Variants in DCDC2C observed in about 807,000 individuals in gnomAD.
DCDC2C encodes the protein doublecortin domain-containing protein 2C.
In DCDC2C, 44 loss-of-function variants were observed where a neutral mutation model predicts 45.0. The observed-to-expected ratio is 0.98, with a 90% CI of 0.77 to 1.26. The LOEUF (loss-of-function observed/expected upper bound fraction) is 1.26. Ranked by LOEUF, DCDC2C falls within the 50% of genes most tolerant of loss-of-function variation. DCDC2C has a pLI of 0.00. For missense variants in DCDC2C, 447 were observed against 468.9 expected (o/e 0.95, Z 0.43); for synonymous variants, 187 against 178.8 (o/e 1.05, Z -0.37).
At chr2:3,817,126 C>T (rs57559688) in intron 10 of DCDC2C, among the ~76,000 whole-genome samples, 16,559 of 152,126 alleles carry the variant, frequency 0.11, 1,092 homozygotes, top group East Asian at 0.29. Flanking sequence ...GAAAAACTGC[C>T]GTGAGGGATA....
At chr2:3,706,554 G>A (rs113486534) in intron 1 of DCDC2C, among the ~76,000 whole-genome samples, 3,623 of 47,530 alleles carry the variant, frequency 0.076, 151 homozygotes, top group African/African-American at 0.25. Context: ...ATGTGTGTGC[G>A]TGTGTGTGTG....
chr2:3,785,099 A>G lies in DCDC2C; in HGVS notation c.1064A>G (p.Lys355Arg). The G allele has an allele frequency of 3.2e-6, 4 of 1,231,756 alleles. No homozygotes were observed. The highest frequency in any genetic ancestry group is 3.2e-5 in the East Asian group (1 of 31,702). The allele number at this position is 1,231,756 out of a possible 1,614,324, so 76.3% of individuals were successfully genotyped here. Residue 355 changes from lysine (K) to arginine (R), a missense_variant and splice_region_variant, in exon 10 of 11, where the codon AAG becomes AGG. Transcript: ENST00000399143. ...DARLCEDVERKMAREWKPVD is the reference protein window; with the variant it reads ...DARLCEDVERRMAREWKPVD ...AGGCTTTGTGAAGACGTTGAAAGAA[A>G]GGTTTGTATCAACAACAAATGCTGT...
intron 6 of DCDC2C, among the ~76,000 whole-genome samples, chr2:3,764,863 A>G (rs1669973873): frequency 6.6e-6 from 1 of 152,220 alleles, no homozygotes; most frequent in African/African-American, 2.4e-5. Flanking sequence ...GGAAAATGCT[A>G]TAAAGCACAT....
At chr2:3,758,089 T>C (rs1210721570) in intron 6 of DCDC2C, among the ~76,000 whole-genome samples, 5 of 152,194 alleles carry the variant, frequency 3.3e-5, no homozygotes, top group Admixed American at 2.0e-4. Flanking sequence ...TTGTATGGAC[T>C]GAAAAGGGAG....
intron 2 of DCDC2C, among the ~76,000 whole-genome samples, chr2:3,723,269 A>G (rs1668545311): frequency 6.6e-6 from 1 of 152,228 alleles, no homozygotes; most frequent in South Asian, 2.1e-4. Flanking sequence ...ACAAAGGACG[A>G]TGGAAGCAAA....
Position 3,703,576 on chromosome 2 carries a change from GCCCCGTCCCGT to G in DCDC2C, c.-167_-157del, listed in dbSNP as rs138324138. 2.0e-3 allele frequency: 1,178 copies of G among 598,316 alleles called. 11 individuals carry two copies. The African/African-American group carries it at 0.022, about 11-fold the overall frequency. The allele number at this position is 598,316 out of a possible 1,614,324, so 37.1% of individuals were successfully genotyped here. ...ACACGCAGCCTCCGCCCGCCTGGCA[GCCCCGTCCCGT>G]CCCCGTCCAGCCCCCGTCCCGTCCC... On this transcript the variant is annotated 5_prime_UTR_variant, in exon 1 of 11. Transcript: ENST00000399143. This position sits in a 1 kb window ranked among gnomAD's most constrained non-coding sequence, Gnocchi z 4.4.
intron 10 of DCDC2C, among the ~76,000 whole-genome samples, chr2:3,800,507 A>G (rs1251096515): frequency 1.3e-5 from 2 of 152,190 alleles, no homozygotes; most frequent in Non-Finnish European, 2.9e-5. Flanking sequence ...CCAGCCCCCC[A>G]AGAATTAGCA....
intron 9 of DCDC2C, among the ~76,000 whole-genome samples, chr2:3,781,654 G>C (rs1323907179): frequency 1.3e-5 from 2 of 152,180 alleles, no homozygotes; most frequent in African/African-American, 4.8e-5. Context: ...GAAGCCAGGA[G>C]TTTGAGAACA....
intron 8 of DCDC2C, among the ~76,000 whole-genome samples, chr2:3,777,461 C>T (rs1169037729): frequency 1.3e-5 from 2 of 152,110 alleles, no homozygotes; most frequent in Non-Finnish European, 2.9e-5. Context: ...TGGGTGTCCT[C>T]TATATACTTG....
chr2:3,822,595 CT>C (rs1671720324), intron 10 of DCDC2C, among the ~76,000 whole-genome samples: 2 of 151,018 alleles, frequency 1.3e-5, no homozygotes, highest in African/African-American at 2.4e-5. Flanking sequence ...TGAATTTTCT[CT>C]AGTTTTAAAA....
Position 3,726,991 on chromosome 2 carries a change from T to A in DCDC2C, c.340-12T>A. On this transcript the variant is annotated splice_polypyrimidine_tract_variant and intron_variant, in intron 2 of 10. Coordinates refer to ENST00000399143, the MANE Select transcript of DCDC2C (RefSeq NM_001287444.2). ...TGAACTGAATTCCCAGGTGTGTTTTTTCCTTTTTCAGATCAAACCAGTGGT... is the reference window on the plus strand; with the variant it reads ...TGAACTGAATTCCCAGGTGTGTTTTATCCTTTTTCAGATCAAACCAGTGGT... 6.5e-7 allele frequency: 1 copy of A among 1,550,278 alleles called. No individual in the cohort carries two copies.
At chr2:3,799,949 G>A (rs557478547) in intron 10 of DCDC2C, among the ~76,000 whole-genome samples, 207 of 152,312 alleles carry the variant, frequency 1.4e-3, no homozygotes, top group African/African-American at 4.7e-3. Context: ...GGGCAATGGC[G>A]GGCGCCCCTC....
chr2:3,824,039 C>G lies in DCDC2C; in HGVS notation c.1066-23115C>G, dbSNP rs553359033. On this transcript the variant is annotated intron_variant, in intron 10 of 10. Transcript: ENST00000399143. ...TGTTCCAGTGAAATATTTACAGAAT[C>G]AGACAGAAGCCTGGATTCAGTCCAT... 2.0e-5 allele frequency among the ~76,000 whole-genome samples: 3 copies of G among 152,348 alleles called. No individual in the cohort carries two copies. The South Asian group carries it at 6.2e-4, about 32-fold the overall frequency.
At chr2:3,737,868 T>G (rs1364407177) in intron 3 of DCDC2C, among the ~76,000 whole-genome samples, 1 of 152,202 alleles carries the variant, frequency 6.6e-6, no homozygotes, top group African/African-American at 2.4e-5. Context: ...ATGTTTAAAA[T>G]GTTTTATTTT....
chr2:3,813,100 C>G (rs915641089), intron 10 of DCDC2C, among the ~76,000 whole-genome samples: 2 of 135,686 alleles, frequency 1.5e-5, no homozygotes, highest in Admixed American at 8.0e-5. Context: ...GAGATGGAAT[C>G]TTGCTCTGTC....
intron 10 of DCDC2C, among the ~76,000 whole-genome samples, chr2:3,789,660 G>T (rs1220258697): frequency 6.6e-6 from 1 of 152,150 alleles, no homozygotes; most frequent in Non-Finnish European, 1.5e-5. Flanking sequence ...CCTACTAAAT[G>T]CTCCCTTTAT....
At chr2:3,719,875 A>G (rs192097822) in intron 2 of DCDC2C, among the ~76,000 whole-genome samples, 197 of 152,350 alleles carry the variant, frequency 1.3e-3, no homozygotes, top group African/African-American at 4.4e-3. Flanking sequence ...GCGAGGCTCC[A>G]GAGAATAGCT....
intron 4 of DCDC2C, among the ~76,000 whole-genome samples, chr2:3,751,447 G>T (rs1450383709): frequency 1.3e-5 from 2 of 152,192 alleles, no homozygotes; most frequent in Non-Finnish European, 2.9e-5. Flanking sequence ...CCTCTCCCAG[G>T]TTCCTGTCTT....
At chr2:3,760,795 T>G (rs899149825) in intron 6 of DCDC2C, among the ~76,000 whole-genome samples, 3 of 151,546 alleles carry the variant, frequency 2.0e-5, no homozygotes, top group African/African-American at 7.3e-5. Flanking sequence ...TGTATACCCA[T>G]GTAACAAACC....
Sources: allele counts gnomAD v4.1 joint callset (sites outside exome capture counted in the v4.1 genomes callset), GRCh38; gene constraint gnomAD v4.1.1; non-coding constraint Gnocchi (gnomAD v3.1); transcripts MANE v1.5; gene names NCBI Gene and HGNC (gene_info 2026-07-23, HGNC 2026-07-21).